Variants in CENPP observed in about 807,000 individuals in gnomAD.
CENPP encodes the protein centromere protein P.
A neutral mutation model predicts 35.6 loss-of-function variants in CENPP; 24 were observed. That is an observed-to-expected ratio of 0.67 (90% CI 0.49 to 0.95). The LOEUF (loss-of-function observed/expected upper bound fraction) is 0.95, where lower values mean the gene tolerates loss of function less well. Among genes scored for constraint, CENPP ranks in the 40% least tolerant of loss-of-function variants. The pLI is 0.00. For synonymous variants in CENPP, 120 were observed against 125.5 expected (o/e 0.96, Z 0.29); for missense variants, 332 against 345.3 (o/e 0.96, Z 0.31).
At chr9:92,525,082 C>A (rs1417505742) in intron 5 of CENPP, among the ~76,000 whole-genome samples, 1 of 152,048 alleles carries the variant, frequency 6.6e-6, no homozygotes, top group African/African-American at 2.4e-5. Flanking sequence ...GAGGCCGAAA[C>A]CAAGGTGGGA....
intron 5 of CENPP, among the ~76,000 whole-genome samples, chr9:92,571,907 CTTTTT>C (rs145507230): frequency 2.0e-4 from 25 of 127,144 alleles, no homozygotes; most frequent in African/African-American, 7.4e-4. Flanking sequence ...TGCAACTCCT[CTTTTT>C]TTTTTTTTTT....
In CENPP at chr9:92,620,015, C is replaced by T. The variant is rs12686780; in HGVS notation, c.*6866C>T. The stretch of plus-strand genomic sequence containing the variant: ...GCATCGCTTAGAACGACATTCCCTC[C>T]GGAACATCATACAGCCACCAGAGAC... On this transcript the variant is annotated 3_prime_UTR_variant, in exon 8 of 8. Coordinates refer to ENST00000375587, the MANE Select transcript of CENPP (RefSeq NM_001012267.3). The T allele has an allele frequency of 0.21, 36,523 of 178,062 alleles. 4,822 individuals are homozygous for T. The highest frequency in any genetic ancestry group is 0.65 in the East Asian group (4,693 of 7,218). The allele number at this position is 178,062 out of a possible 1,614,324, so 11.0% of individuals were successfully genotyped here.
At chr9:92,340,230 A>C (rs1382979357) in intron 3 of CENPP, 1 of 151,974 alleles carries the variant, frequency 6.6e-6, no homozygotes, top group South Asian at 2.1e-4. Flanking sequence ...CTTGTCCACA[A>C]ATCCAAGTGA....
At chr9:92,552,294 G>A (rs138962127) in intron 5 of CENPP, among the ~76,000 whole-genome samples, 4 of 151,836 alleles carry the variant, frequency 2.6e-5, no homozygotes, top group East Asian at 3.9e-4. Flanking sequence ...GAATTGTGCT[G>A]CTATAAACAT....
intron 5 of CENPP, among the ~76,000 whole-genome samples, chr9:92,604,050 A>G (rs1851003237): frequency 1.3e-5 from 2 of 152,178 alleles, no homozygotes; most frequent in African/African-American, 4.8e-5. Context: ...TTTTGTATGG[A>G]CATGTTTTCC....
chr9:92,352,505 G>GTGTGTGTATAGATATATATATATATATA, intron 4 of CENPP, among the ~76,000 whole-genome samples: 1 of 49,794 alleles, frequency 2.0e-5, no homozygotes, highest in Non-Finnish European at 3.3e-5. Flanking sequence ...GTGTGTGTGT[G>GTGTGTGTATAGATATATATATATATATA]TATACATATA....
At chr9:92,512,380 T>TG (rs914343898) in intron 5 of CENPP, among the ~76,000 whole-genome samples, 10 of 152,244 alleles carry the variant, frequency 6.6e-5, no homozygotes, top group African/African-American at 2.2e-4. Flanking sequence ...ATGGTTTAGA[T>TG]GAAGGTGCTT....
chr9:92,618,742 CT>C lies in CENPP; in HGVS notation c.*5594del, dbSNP rs3839884. The stretch of plus-strand genomic sequence containing the variant: ...TATTGGAAAGTAAACAATTCTGTGC[CT>C]GCCAGGGAACAGGAATCCTGGGAAC... On this transcript the variant is annotated 3_prime_UTR_variant, in exon 8 of 8. Coordinates refer to ENST00000375587, the MANE Select transcript of CENPP (RefSeq NM_001012267.3). 0.15 allele frequency: 54,469 copies of C among 359,668 alleles called. 5,015 individuals carry two copies. Among genetic ancestry groups the C allele is most frequent in the South Asian group, 0.26 (12,288 of 47,788 alleles). 22.3% of individuals were successfully genotyped at this position (359,668 alleles called of 1,614,324 possible).
intron 5 of CENPP, among the ~76,000 whole-genome samples, chr9:92,466,940 A>G (rs1014772062): frequency 3.3e-5 from 5 of 152,120 alleles, no homozygotes; most frequent in African/African-American, 1.2e-4. Context: ...ACTCTACAAA[A>G]CTATGTTTAG....
intron 5 of CENPP, among the ~76,000 whole-genome samples, chr9:92,574,242 G>C (rs1247674476): frequency 6.6e-6 from 1 of 152,094 alleles, no homozygotes; most frequent in Non-Finnish European, 1.5e-5. Context: ...TTTTTTTAAT[G>C]ATGTAACTAT....
Position 92,449,437 on chromosome 9 carries a change from C to CAAAAAA in CENPP, c.564+69614_564+69619dup, listed in dbSNP as rs56218626. ...TGGGTGATGAGCGAGACTCTATCTC[C>CAAAAAA]AAAAAAAAAAAAAAAAAAAAAAAAA... On this transcript the variant is annotated intron_variant, in intron 5 of 7. Coordinates refer to ENST00000375587, the MANE Select transcript of CENPP (RefSeq NM_001012267.3). 1.8e-3 allele frequency among the ~76,000 whole-genome samples: 100 copies of CAAAAAA among 54,956 alleles called. 6 individuals are homozygous for CAAAAAA. Among genetic ancestry groups the CAAAAAA allele is most frequent in the Non-Finnish European group, 2.7e-3 (81 of 29,572 alleles). 36.1% of individuals were successfully genotyped at this position (54,956 alleles called of 152,430 possible). A position where few individuals can be genotyped will look rare whatever the true frequency, so the allele number is the denominator to read the frequency against.
chr9:92,353,851 A>G (rs1397105130), intron 4 of CENPP, among the ~76,000 whole-genome samples: 3 of 152,304 alleles, frequency 2.0e-5, no homozygotes, highest in South Asian at 2.1e-4. Flanking sequence ...AATCTTGGCT[A>G]TGGAAGAAAC....
intron 2 of CENPP, among the ~76,000 whole-genome samples, chr9:92,334,160 G>A (rs1287733002): frequency 5.0e-5 from 7 of 139,638 alleles, no homozygotes; most frequent in East Asian, 2.1e-4. Context: ...TTCCTCTGTC[G>A]CCCAGGCTGG....
chr9:92,546,820 A>G (rs138519813), intron 5 of CENPP, among the ~76,000 whole-genome samples: 22 of 152,348 alleles, frequency 1.4e-4, no homozygotes, highest in Non-Finnish European at 2.6e-4. Context: ...AATTGTCACA[A>G]GAAGAATCAG....
intron 5 of CENPP, chr9:92,393,227 G>A (rs755341391): frequency 2.1e-5 from 33 of 1,589,660 alleles, no homozygotes; most frequent in Non-Finnish European, 2.5e-5. Flanking sequence ...CAAACACACA[G>A]CAGACACGTG....
At chr9:92,538,496 A>G (rs1849242091) in intron 5 of CENPP, among the ~76,000 whole-genome samples, 1 of 152,204 alleles carries the variant, frequency 6.6e-6, no homozygotes, top group Admixed American at 6.5e-5. Context: ...AAAAGAATAC[A>G]AACAATCAAA....
intron 3 of CENPP, among the ~76,000 whole-genome samples, chr9:92,343,840 A>G (rs1037188996): frequency 6.6e-6 from 1 of 151,856 alleles, no homozygotes; most frequent in African/African-American, 2.4e-5. Flanking sequence ...ACTTACATAT[A>G]TAGTCCTAGC....
chr9:92,603,969 G>A (rs1381442510), intron 5 of CENPP, among the ~76,000 whole-genome samples: 3 of 152,210 alleles, frequency 2.0e-5, no homozygotes, highest in Non-Finnish European at 4.4e-5. Context: ...TGGGGCTGAT[G>A]TGCATTCTTA....
chr9:92,486,076 C>T (rs1375895140), intron 5 of CENPP, among the ~76,000 whole-genome samples: 1 of 152,090 alleles, frequency 6.6e-6, no homozygotes, highest in African/African-American at 2.4e-5. Flanking sequence ...AGTGTAAGTG[C>T]TATGGAGAGA....
Sources: gnomAD v4.1 joint callset for allele counts (sites outside exome capture counted in the v4.1 genomes callset) on GRCh38, gnomAD v4.1.1 for gene constraint, MANE v1.5 for transcripts, NCBI Gene and HGNC (gene_info 2026-07-23, HGNC 2026-07-21) for gene names.